The following ERCC6L2 variants were observed in gnomAD, a reference collection of about 807,000 sequenced individuals.
The protein encoded by ERCC6L2 is ERCC excision repair 6 like 2.
In ERCC6L2, 77 loss-of-function variants were observed where a neutral mutation model predicts 132.0. The observed-to-expected ratio is 0.58, with a 90% CI of 0.49 to 0.71. The LOEUF (loss-of-function observed/expected upper bound fraction) is 0.71, where lower values mean the gene tolerates loss of function less well. ERCC6L2 is among the 30% of genes least tolerant of loss of function. ERCC6L2 has a pLI of 0.00. For missense variants in ERCC6L2, 1,542 were observed against 1,837.6 expected (o/e 0.84, Z 2.94); for synonymous variants, 583 against 632.4 (o/e 0.92, Z 1.17).
At chr9:95,968,803 T>C (rs1337207579) in intron 14 of ERCC6L2, 1 of 152,142 alleles carries the variant, frequency 6.6e-6, no homozygotes, top group Admixed American at 6.6e-5. Flanking sequence ...GAGCTTTGCA[T>C]ACATAAAAGA....
chr9:96,039,535 G>C (rs949383398), intron 20 of ERCC6L2, among the ~76,000 whole-genome samples: 1 of 152,134 alleles, frequency 6.6e-6, no homozygotes, highest in Non-Finnish European at 1.5e-5. Context: ...AGCCAGCCAG[G>C]GTAGCCAGGG....
chr9:95,999,785 A>G (rs1833596311), intron 17 of ERCC6L2, among the ~76,000 whole-genome samples: 1 of 152,070 alleles, frequency 6.6e-6, no homozygotes, highest in Non-Finnish European at 1.5e-5. Context: ...GAGTCTTTGT[A>G]TTAGGAACTT....
intron 19 of ERCC6L2, among the ~76,000 whole-genome samples, chr9:96,030,973 C>G (rs1328538351): frequency 6.6e-6 from 1 of 152,212 alleles, no homozygotes; most frequent in East Asian, 1.9e-4. Flanking sequence ...GTCGCGCCCC[C>G]TGCTTCCAGG....
chr9:95,881,434 T>C (rs1191785419), intron 2 of ERCC6L2, 141 bp downstream of exon 2: 17 of 554,838 alleles, frequency 3.1e-5, no homozygotes, highest in Non-Finnish European at 4.6e-5. Context: ...ACTAACTAGA[T>C]AGTGAAGTCC....
At chr9:95,887,682 T>C (rs963394364) in intron 2 of ERCC6L2, among the ~76,000 whole-genome samples, 6 of 152,042 alleles carry the variant, frequency 3.9e-5, no homozygotes, top group African/African-American at 1.2e-4. Context: ...TAAACCTCAC[T>C]CTTGAGAGAA....
chr9:95,913,061 GTAAAGA>G (rs1434305579), intron 4 of ERCC6L2, among the ~76,000 whole-genome samples: 2 of 152,144 alleles, frequency 1.3e-5, no homozygotes, highest in Non-Finnish European at 2.9e-5. Flanking sequence ...TCTCTCCATT[GTAAAGA>G]TATGTTTCTC....
intron 19 of ERCC6L2, among the ~76,000 whole-genome samples, chr9:96,024,080 A>T (rs1420165199): frequency 6.6e-6 from 1 of 152,242 alleles, no homozygotes; most frequent in African/African-American, 2.4e-5. Context: ...CTTAAACACG[A>T]ATCACTTTCC....
intron 3 of ERCC6L2, among the ~76,000 whole-genome samples, chr9:95,902,910 A>G (rs900769647): frequency 6.6e-6 from 1 of 152,084 alleles, no homozygotes; most frequent in East Asian, 1.9e-4. Context: ...TGTTCATTAT[A>G]TATTTTGAAA....
At chr9:95,982,702 A>C (rs753745136) in intron 17 of ERCC6L2, among the ~76,000 whole-genome samples, 2 of 150,152 alleles carry the variant, frequency 1.3e-5, no homozygotes, top group Non-Finnish European at 3.0e-5. Flanking sequence ...TCAAGATTTT[A>C]AAATATGTGT....
At chr9:95,991,382 A>G (rs927283686) in intron 17 of ERCC6L2, among the ~76,000 whole-genome samples, 3 of 152,174 alleles carry the variant, frequency 2.0e-5, no homozygotes, top group African/African-American at 7.2e-5. Flanking sequence ...TTTACTGCCC[A>G]TCTTTTTTAT....
rs1172424751 is a variant in ERCC6L2, at chr9:96,015,885, G to T, written c.*2682G>T. The stretch of plus-strand genomic sequence containing the variant: ...GTTTAAAAATTAGTTTCCAACAGTT[G>T]TCAGTGAAATATTTATCACTATTAT... On this transcript the variant is annotated 3_prime_UTR_variant, in exon 19 of 19. Coordinates refer to ENST00000653738, the MANE Select transcript of ERCC6L2 (RefSeq NM_020207.7). Among the ~76,000 whole-genome samples the T allele has an allele frequency of 6.6e-6, 1 of 152,212 alleles. No individual in the cohort carries two copies. Among genetic ancestry groups the T allele is most frequent in the Admixed American group, 6.5e-5 (1 of 15,282 alleles).
At chr9:95,993,705 A>G (rs1049584175) in intron 17 of ERCC6L2, among the ~76,000 whole-genome samples, 1 of 152,340 alleles carries the variant, frequency 6.6e-6, no homozygotes, top group Non-Finnish European at 1.5e-5. Context: ...AGGACAGCCA[A>G]TATAAAGTTG....
chr9:95,993,597 GTGA>G (rs1833374760), intron 17 of ERCC6L2, among the ~76,000 whole-genome samples: 1 of 152,168 alleles, frequency 6.6e-6, no homozygotes, highest in Non-Finnish European at 1.5e-5. Context: ...ACCCCTATAA[GTGA>G]TGCTGAATTT....
At chr9:95,924,875 G>A (rs1830035626) in intron 9 of ERCC6L2, among the ~76,000 whole-genome samples, 2 of 152,112 alleles carry the variant, frequency 1.3e-5, no homozygotes, top group African/African-American at 2.4e-5. Context: ...TACTTGGTTT[G>A]TGAGAGAGCA....
At chr9:95,958,602 G>A (rs1022469239) in intron 13 of ERCC6L2, among the ~76,000 whole-genome samples, 17 of 152,146 alleles carry the variant, frequency 1.1e-4, no homozygotes, top group Non-Finnish European at 2.1e-4. Context: ...TTCTCTGATG[G>A]CCAGTGATGG....
chr9:95,973,813 A>C (rs1359725913), intron 16 of ERCC6L2, among the ~76,000 whole-genome samples: 2 of 152,178 alleles, frequency 1.3e-5, no homozygotes, highest in African/African-American at 4.8e-5. Flanking sequence ...TTGTAAAAAT[A>C]TTATATAGTC....
At chr9:95,921,018 G>A (rs12685318) in intron 6 of ERCC6L2, among the ~76,000 whole-genome samples, 157 bp from the exon 7 acceptor site, 27,119 of 152,214 alleles carry the variant, frequency 0.18, 2,501 homozygotes, top group South Asian at 0.28. Context: ...CTTGTGATCC[G>A]CCCTCCTTGG....
At chr9:95,922,857 A>T (rs571587878) in intron 8 of ERCC6L2, among the ~76,000 whole-genome samples, 16 of 152,146 alleles carry the variant, frequency 1.1e-4, no homozygotes, top group Non-Finnish European at 2.1e-4. Context: ...GTTTCCTTTT[A>T]TTCTAGAGCA....
At chr9:96,034,335 A>G (rs961108243) in intron 19 of ERCC6L2, among the ~76,000 whole-genome samples, 3 of 152,204 alleles carry the variant, frequency 2.0e-5, no homozygotes, top group Non-Finnish European at 2.9e-5. Context: ...TAGGTGGAAG[A>G]CACAAACGCA....
Sources: allele counts gnomAD v4.1 joint callset (sites outside exome capture counted in the v4.1 genomes callset), GRCh38; gene constraint gnomAD v4.1.1; transcripts MANE v1.5; gene names NCBI Gene and HGNC (gene_info 2026-07-23, HGNC 2026-07-21).